Variants in ZNG1A observed in about 807,000 individuals in gnomAD.
The protein encoded by ZNG1A is zinc-regulated GTPase metalloprotein activator 1A.
chr9:152,413 C>CA, the ZNG1A span, among the ~76,000 whole-genome samples: 1 of 152,242 alleles, frequency 6.6e-6, no homozygotes, highest in South Asian at 2.1e-4. Context: ...TCCTAGTGTT[C>CA]TTAAAAATGA....
At chr9:170,355 ATG>A in the ZNG1A span, among the ~76,000 whole-genome samples, 38,663 of 144,880 alleles carry the variant, frequency 0.27, 6,815 homozygotes, top group African/African-American at 0.46. Context: ...GTGTGTATGA[ATG>A]TGTGTGTGTG....
At chr9:135,212 T>A in the ZNG1A span, among the ~76,000 whole-genome samples, 1 of 150,818 alleles carries the variant, frequency 6.6e-6, no homozygotes, top group Non-Finnish European at 1.5e-5. Context: ...TTAAGTTTTT[T>A]AAAAATTTCT....
chr9:149,199 C>A, the ZNG1A span: 3 of 151,820 alleles, frequency 2.0e-5, no homozygotes, highest in Admixed American at 2.0e-4. Flanking sequence ...ATTGAATCTA[C>A]CTCCCAAGAG....
chr9:171,851 A>G, the ZNG1A span: 1 of 574,584 alleles, frequency 1.7e-6, no homozygotes, highest in Non-Finnish European at 3.1e-6. Context: ...AAGTCAATCA[A>G]TAAAACTTCA....
the ZNG1A span, among the ~76,000 whole-genome samples, chr9:125,229 A>AT: frequency 6.6e-6 from 1 of 150,456 alleles, no homozygotes; most frequent in South Asian, 2.1e-4. Flanking sequence ...TATTTTTTTG[A>AT]TTTTTTTATT....
At chr9:168,734 A>G in the ZNG1A span, among the ~76,000 whole-genome samples, 116,352 of 144,854 alleles carry the variant, frequency 0.8, 48,158 homozygotes, top group African/African-American at 0.94. Flanking sequence ...TTACTATCCT[A>G]AAAATTCTAG....
the ZNG1A span, among the ~76,000 whole-genome samples, chr9:169,854 C>CTTTTTT: frequency 0.022 from 1,170 of 53,892 alleles, 2 homozygotes; most frequent in Non-Finnish European, 0.032. Flanking sequence ...ATAAACACAG[C>CTTTTTT]TTTTTTTTTT....
At chr9:141,588 T>C in the ZNG1A span, among the ~76,000 whole-genome samples, 49 of 151,544 alleles carry the variant, frequency 3.2e-4, no homozygotes, top group African/African-American at 1.2e-3. Context: ...TGCAGAATCA[T>C]GCCAAAATGT....
the ZNG1A span, among the ~76,000 whole-genome samples, chr9:140,455 G>C: frequency 4.6e-5 from 7 of 151,112 alleles, no homozygotes; most frequent in African/African-American, 1.5e-4. Flanking sequence ...TGAAGGTCGT[G>C]TCTGTTAGAA....
chr9:165,982 C>G, the ZNG1A span: 2 of 146,106 alleles, frequency 1.4e-5, no homozygotes, highest in African/African-American at 2.6e-5. Flanking sequence ...TAAACACTTA[C>G]CAGAAATACA....
chr9:127,091 T>C, the ZNG1A span, among the ~76,000 whole-genome samples: 1 of 152,186 alleles, frequency 6.6e-6, no homozygotes, highest in Admixed American at 6.5e-5. Flanking sequence ...GCTCATTTTG[T>C]TGGCTATCAC....
the ZNG1A span, among the ~76,000 whole-genome samples, chr9:174,346 G>A: frequency 6.4e-4 from 98 of 151,946 alleles, no homozygotes; most frequent in African/African-American, 2.3e-3. Context: ...CCATAAAATC[G>A]AGTAGTTTTA....
the ZNG1A span, among the ~76,000 whole-genome samples, chr9:157,245 A>C: frequency 1.4e-5 from 2 of 145,888 alleles, no homozygotes; most frequent in Non-Finnish European, 3.0e-5. Flanking sequence ...TTAGAGCCCA[A>C]GTGGTAGTTT....
At chr9:130,131 C>A in the ZNG1A span, among the ~76,000 whole-genome samples, 1 of 151,018 alleles carries the variant, frequency 6.6e-6, no homozygotes, top group Non-Finnish European at 1.5e-5. Context: ...CATGACTATA[C>A]TTATTTTTAA....
chr9:148,575 C>T, the ZNG1A span: 2 of 112,324 alleles, frequency 1.8e-5, no homozygotes, highest in East Asian at 2.1e-4. Flanking sequence ...GCATTAAAAT[C>T]GCCAAGAAAA....
At chr9:125,818 T>A in the ZNG1A span, among the ~76,000 whole-genome samples, 2 of 50,166 alleles carry the variant, frequency 4.0e-5, 1 homozygote, top group Non-Finnish European at 7.6e-5. Context: ...TTTTTCCACT[T>A]TATGTTTTTG....
chr9:143,681 G>C, the ZNG1A span, among the ~76,000 whole-genome samples: 1 of 123,538 alleles, frequency 8.1e-6, no homozygotes, highest in South Asian at 3.1e-4. Context: ...CATAGTGTTG[G>C]AAGTTCTGGC....
chr9:149,770 G>T, the ZNG1A span, among the ~76,000 whole-genome samples: 1 of 149,554 alleles, frequency 6.7e-6, no homozygotes, highest in Non-Finnish European at 1.5e-5. Context: ...GCTGTGTTTT[G>T]GTTTTCCTCT....
the ZNG1A span, among the ~76,000 whole-genome samples, chr9:157,366 C>T: frequency 1.5e-5 from 2 of 137,418 alleles, no homozygotes; most frequent in Admixed American, 1.5e-4. Flanking sequence ...TGGGAAATTA[C>T]ACTTTTACCC....
Sources: allele counts gnomAD v4.1 joint callset (sites outside exome capture counted in the v4.1 genomes callset), GRCh38; gene constraint gnomAD v4.1.1; transcripts MANE v1.5; gene names NCBI Gene and HGNC (gene_info 2026-07-23, HGNC 2026-07-21).